CSE1L: variants seen among roughly 807,000 people sequenced by gnomAD.
CSE1L encodes the protein exportin-2.
In CSE1L, 24 loss-of-function variants were observed where a neutral mutation model predicts 120.4. That is an observed-to-expected ratio of 0.20 (90% CI 0.14 to 0.28). The LOEUF (loss-of-function observed/expected upper bound fraction) is 0.28, where lower values mean the gene tolerates loss of function less well. Ranked by LOEUF, CSE1L falls within the 10% of genes least tolerant of loss-of-function variation. The pLI, the probability that CSE1L is intolerant of heterozygous loss-of-function variation, is 1.00. For synonymous variants in CSE1L, 402 were observed against 398.3 expected (o/e 1.01, Z -0.11); for missense variants, 830 against 1,145.2 (o/e 0.72, Z 3.97).
chr20:49,064,628 A>T (rs953909545), intron 3 of CSE1L, among the ~76,000 whole-genome samples: 1 of 152,120 alleles, frequency 6.6e-6, no homozygotes, highest in Admixed American at 6.6e-5. Context: ...TGAGGGGATC[A>T]CTTGTGCCTG....
intron 1 of CSE1L, among the ~76,000 whole-genome samples, chr20:49,055,010 G>A (rs1023430944): frequency 2.0e-5 from 3 of 152,196 alleles, no homozygotes; most frequent in Non-Finnish European, 4.4e-5. Flanking sequence ...ATTTTCTAAC[G>A]TTTAAGGTGC....
chr20:49,065,311 AAATTT>A lies in CSE1L; in HGVS notation c.229-880_229-876del, dbSNP rs1568769001. Among the ~76,000 whole-genome samples the A allele has an allele frequency of 4.5e-5, 3 of 66,928 alleles. 1 individual carries two copies. Among genetic ancestry groups the A allele is most frequent in the Non-Finnish European group, 6.8e-5 (2 of 29,542 alleles). The allele number at this position is 66,928 out of a possible 152,430, so 43.9% of individuals were successfully genotyped here. Reference sequence around the variant, plus strand: ...TTAGTTTACATATGAAATGAAAAAAAAATTTTTTTTTTTTTTTTTTTTTTTTTTTG... The same window carrying A: ...TTAGTTTACATATGAAATGAAAAAAATTTTTTTTTTTTTTTTTTTTTTTTG... On this transcript the variant is annotated intron_variant, in intron 3 of 24. Coordinates refer to ENST00000262982, the MANE Select transcript of CSE1L (RefSeq NM_001316.4).
intron 16 of CSE1L, 71 bp from the exon 17 acceptor site, chr20:49,087,938 C>A (rs2092072645): frequency 1.0e-6 from 1 of 997,060 alleles, no homozygotes; most frequent in Non-Finnish European, 1.5e-6. Flanking sequence ...GCGCTTTTTT[C>A]CCCCCAGTCG....
At chr20:49,093,161 C>T (rs1431185349) in intron 22 of CSE1L, among the ~76,000 whole-genome samples, 1 of 152,116 alleles carries the variant, frequency 6.6e-6, no homozygotes, top group African/African-American at 2.4e-5. Flanking sequence ...GAAAGGAGAC[C>T]AGAAAACATG....
At chr20:49,082,112 G>A (rs1476264697) in intron 14 of CSE1L, among the ~76,000 whole-genome samples, 6 of 151,670 alleles carry the variant, frequency 4.0e-5, no homozygotes, top group Non-Finnish European at 5.9e-5. Flanking sequence ...TTTTTAGATG[G>A]AGTCTTGCTC....
At chr20:49,089,494 ATTCC>A in intron 18 of CSE1L, 40 bp from the exon 19 acceptor site, 1 of 1,608,066 alleles carries the variant, frequency 6.2e-7, no homozygotes, top group South Asian at 1.1e-5. Context: ...TGTGTCAGTC[ATTCC>A]TTCTGAAGCT....
intron 16 of CSE1L, among the ~76,000 whole-genome samples, chr20:49,085,969 G>A (rs990019614): frequency 6.6e-6 from 1 of 152,148 alleles, no homozygotes; most frequent in African/African-American, 2.4e-5. Context: ...AAGAGATCAT[G>A]CAACGTTTAT....
At chr20:49,063,397 T>G (rs2091867280) in intron 3 of CSE1L, 53 bp downstream of exon 3, 1 of 1,202,724 alleles carries the variant, frequency 8.3e-7, no homozygotes, top group African/African-American at 1.6e-5. Context: ...ATAAGGTTTA[T>G]ATAAGCAGTG....
rs773686690 is a variant in CSE1L, at chr20:49,066,276, G to A, written c.313G>A (p.Glu105Lys). The A allele has an allele frequency of 6.2e-6, 10 of 1,614,070 alleles. No homozygotes were observed. Among genetic ancestry groups the A allele is most frequent in the African/African-American group, 1.3e-5 (1 of 74,932 alleles). Reference sequence around the variant, plus strand: ...AGTGCACTTGATGCTTAGCAGCCCAGAGCAAATTCAGAAGCAGGTAATGTC... The same window carrying A: ...AGTGCACTTGATGCTTAGCAGCCCAAAGCAAATTCAGAAGCAGGTAATGTC... ...NIVHLMLSSP[E>K]QIQKQLSDAI... is the part of the protein sequence containing the mutation. The change falls in exon 4 of 25, where the codon GAG (glutamate) becomes AAG (lysine). Residue 105 changes from glutamate (E) to lysine (K), a missense_variant. By Grantham distance (56) the Glu-to-Lys change is moderately conservative (BLOSUM62 1). Coordinates refer to ENST00000262982, the MANE Select transcript of CSE1L (RefSeq NM_001316.4).
chr20:49,051,404 G>T (rs191847855), intron 1 of CSE1L, among the ~76,000 whole-genome samples: 1 of 152,190 alleles, frequency 6.6e-6, no homozygotes, highest in Non-Finnish European at 1.5e-5. Context: ...TCAGCCGGGC[G>T]TGGTGGCACG....
chr20:49,050,859 G>T (rs1600581869), intron 1 of CSE1L, among the ~76,000 whole-genome samples: 2 of 152,260 alleles, frequency 1.3e-5, no homozygotes, highest in East Asian at 3.9e-4. Flanking sequence ...ACCTTGCTCA[G>T]CCTGTTGTGG....
chr20:49,075,609 GCTTACT>G, intron 12 of CSE1L, 89 bp downstream of exon 12: 1 of 988,180 alleles, frequency 1.0e-6, no homozygotes, highest in Non-Finnish European at 1.5e-6. Flanking sequence ...TGATAATAGA[GCTTACT>G]CTGCCAGATA....
chr20:49,047,159 A>T (rs2091719641), intron 1 of CSE1L, among the ~76,000 whole-genome samples: 1 of 152,144 alleles, frequency 6.6e-6, no homozygotes. Context: ...GCCTGGGTTC[A>T]TTCCAGACGT....
chr20:49,073,568 C>G (rs1207471116), intron 10 of CSE1L, among the ~76,000 whole-genome samples: 1 of 152,120 alleles, frequency 6.6e-6, no homozygotes, highest in Non-Finnish European at 1.5e-5. Context: ...TTACTGCAAC[C>G]TCAACTTCCC....
chr20:49,066,399 A>G lies in CSE1L; in HGVS notation c.365A>G (p.Asp122Gly), dbSNP rs2091892642. The G allele has an allele frequency of 1.2e-6, 2 of 1,614,192 alleles. No individual in the cohort carries two copies. Among genetic ancestry groups the G allele is most frequent in the Non-Finnish European group, 1.7e-6 (2 of 1,180,042 alleles). ...SDAISIIGRE[D>G]FPQKWPDLLT... ...GCAATTAGCATTATTGGCAGAGAAGATTTTCCACAGAAATGGCCTGACTTG... is the reference window on the plus strand; with the variant it reads ...GCAATTAGCATTATTGGCAGAGAAGGTTTTCCACAGAAATGGCCTGACTTG... The change falls in exon 5 of 25, where the codon GAT (aspartate) becomes GGT (glycine). Residue 122 changes from aspartate to glycine, a missense_variant. Asp to Gly is a moderately conservative substitution (Grantham distance 94). Coordinates refer to ENST00000262982, the MANE Select transcript of CSE1L (RefSeq NM_001316.4).
chr20:49,082,659 C>T (rs1419432717), intron 14 of CSE1L, among the ~76,000 whole-genome samples: 1 of 152,120 alleles, frequency 6.6e-6, no homozygotes, highest in Non-Finnish European at 1.5e-5. Context: ...GCTGGGACTA[C>T]AGGCTACCGC....
At chr20:49,051,634 G>A (rs2091767148) in intron 1 of CSE1L, among the ~76,000 whole-genome samples, 2 of 152,236 alleles carry the variant, frequency 1.3e-5, no homozygotes, top group South Asian at 4.1e-4. Flanking sequence ...CAGAAGGAAT[G>A]GTAAGTACAG....
At chr20:49,078,993 G>A (rs748529554) in intron 14 of CSE1L, among the ~76,000 whole-genome samples, 15 of 152,032 alleles carry the variant, frequency 9.9e-5, no homozygotes, top group Non-Finnish European at 1.5e-4. Flanking sequence ...CTGGGTTCAC[G>A]TGATTCTCCT....
rs1393050371 is a variant in CSE1L at position 49,076,922 on chromosome 20, T to C, written c.1336-58T>C. 7.5e-6 allele frequency: 8 copies of C among 1,069,882 alleles called. No individual in the cohort carries two copies. In the East Asian group the frequency reaches 9.9e-5, roughly 13 times the overall value. 66.3% of individuals were successfully genotyped at this position (1,069,882 alleles called of 1,614,324 possible). On this transcript the variant is annotated intron_variant, in intron 12 of 24. Coordinates refer to ENST00000262982, the MANE Select transcript of CSE1L (RefSeq NM_001316.4). ...TTTCTAAAATTGCCTGAATTTCTAA[T>C]GTGATAGATATATACAGGTATTTTG...
Sources: gnomAD v4.1 joint callset for allele counts (sites outside exome capture counted in the v4.1 genomes callset) on GRCh38, gnomAD v4.1.1 for gene constraint, MANE v1.5 for transcripts, NCBI Gene and HGNC (gene_info 2026-07-23, HGNC 2026-07-21) for gene names.